HHIPL1: variants seen among roughly 807,000 people sequenced by gnomAD.
The protein encoded by HHIPL1 is HHIP like 1.
Under a neutral mutation model 61.8 loss-of-function variants are expected in HHIPL1, and 43 were observed. The observed-to-expected ratio is 0.70, with a 90% CI of 0.55 to 0.90. The LOEUF (loss-of-function observed/expected upper bound fraction) is 0.90. HHIPL1 is among the 40% of genes least tolerant of loss of function. HHIPL1 has a pLI of 0.00. For missense variants in HHIPL1, 1,056 were observed against 1,157.7 expected (o/e 0.91, Z 1.28); for synonymous variants, 482 against 515.8 (o/e 0.93, Z 0.89).
Position 99,668,969 on chromosome 14 carries a change from G to GGTGGGGCCCAGGGCCAA in HHIPL1, c.1730+667_1730+668insTGGGGCCCAGGGCCAAG. 3 of 1,586,276 alleles carry GGTGGGGCCCAGGGCCAA rather than the reference G, an allele frequency of 1.9e-6. No individual in the cohort carries two copies. In the South Asian group the frequency reaches 3.4e-5, roughly 18 times the overall value. On this transcript the variant is annotated intron_variant, in intron 7 of 8. Transcript: ENST00000330710. This position sits in a 1 kb window ranked among gnomAD's most constrained non-coding sequence, Gnocchi z 4.7. Reference sequence around the variant, plus strand: ...GTCATGGGCCTGGGGCCCAGGGCCAGGGTGGGGCCCAGGCCACTGGCTCCA... The same window carrying GGTGGGGCCCAGGGCCAA: ...GTCATGGGCCTGGGGCCCAGGGCCAGGTGGGGCCCAGGGCCAAGGTGGGGCCCAGGCCACTGGCTCCA...
rs201585114 is a variant in HHIPL1 at position 99,668,180 on chromosome 14, T to A, written c.1649-42T>A. ...TGAGGCGGGGCTGGCTGGGACGGTA[T>A]TCCAGGTGGGGGTCTCACTAGTCAC... On this transcript the variant is annotated intron_variant, in intron 6 of 8. Coordinates refer to ENST00000330710, the MANE Select transcript of HHIPL1 (RefSeq NM_001127258.3). This position sits in a 1 kb window ranked among gnomAD's most constrained non-coding sequence, Gnocchi z 4.7. 1.6e-6 allele frequency: 2 copies of A among 1,249,434 alleles called. No homozygotes were observed. The highest frequency in any genetic ancestry group is 4.6e-5 in the East Asian group (2 of 43,158). The allele number at this position is 1,249,434 out of a possible 1,614,324, so 77.4% of individuals were successfully genotyped here. A position where few individuals can be genotyped will look rare whatever the true frequency, so the allele number is the denominator to read the frequency against.
chr14:99,606,305 G>A, the HHIPL1 span, among the ~76,000 whole-genome samples: 1 of 152,206 alleles, frequency 6.6e-6, no homozygotes, highest in Non-Finnish European at 1.5e-5. Flanking sequence ...TGGGTTTAGA[G>A]AGGGAGGGGC....
chr14:99,639,426 C>A, the HHIPL1 span, among the ~76,000 whole-genome samples: 27,643 of 152,046 alleles, frequency 0.18, 3,191 homozygotes, highest in Non-Finnish European at 0.26. Context: ...CTCACTGCAG[C>A]GTCGACCTCC....
In HHIPL1 at chr14:99,667,075, C is replaced by T. The variant is rs1420142080; in HGVS notation, c.1649-1147C>T. On this transcript the variant is annotated intron_variant, in intron 6 of 8. Coordinates refer to ENST00000330710, the MANE Select transcript of HHIPL1 (RefSeq NM_001127258.3). ...ACCAAGCTGTCTGTCTCAGCCTCTCCGTGGGGAAACCCCCCTCCCTGCCCC... is the reference window on the plus strand; with the variant it reads ...ACCAAGCTGTCTGTCTCAGCCTCTCTGTGGGGAAACCCCCCTCCCTGCCCC... Among the ~76,000 whole-genome samples the T allele has an allele frequency of 3.9e-5, 6 of 152,370 alleles. 1 individual carries two copies. Among genetic ancestry groups the T allele is most frequent in the Admixed American group, 3.9e-4 (6 of 15,310 alleles).
the HHIPL1 span, among the ~76,000 whole-genome samples, chr14:99,612,890 C>T: frequency 6.6e-6 from 1 of 152,202 alleles, no homozygotes; most frequent in African/African-American, 2.4e-5. Flanking sequence ...CTGAGGTCTA[C>T]AACCTCACAA....
intron 8 of HHIPL1, among the ~76,000 whole-genome samples, chr14:99,674,559 T>A (rs867361788): frequency 3.3e-5 from 5 of 152,116 alleles, no homozygotes; most frequent in Admixed American, 6.5e-5. Context: ...GATCCCTGTG[T>A]GTATCCCGTT....
Position 99,652,612 on chromosome 14 carries a change from TGG to T in HHIPL1, c.647_648del (p.Gly216AlafsTer31). The T allele has an allele frequency of 6.8e-6, 11 of 1,613,366 alleles. No homozygotes were observed. The highest frequency in any genetic ancestry group is 9.3e-6 in the Non-Finnish European group (11 of 1,179,796). On this transcript the variant is annotated frameshift_variant, in exon 2 of 9. Transcript: ENST00000330710. LOFTEE classifies it high-confidence loss of function. Reference sequence around the variant, plus strand: ...CACCGCTTCTTCGTGGCCGAGCAGGTGGGGCTGGTGTGGGCCTACCTGCCCGA... The same window carrying T: ...CACCGCTTCTTCGTGGCCGAGCAGGTGGCTGGTGTGGGCCTACCTGCCCGA...
At chr14:99,650,130 T>C (rs1037770985) in intron 1 of HHIPL1, among the ~76,000 whole-genome samples, 17 of 152,224 alleles carry the variant, frequency 1.1e-4, no homozygotes, top group Non-Finnish European at 1.9e-4. Flanking sequence ...GAGGACATGC[T>C]GTGGTATGAC....
chr14:99,611,741 G>GT, the HHIPL1 span, among the ~76,000 whole-genome samples: 86 of 147,424 alleles, frequency 5.8e-4, no homozygotes, highest in African/African-American at 1.7e-3. Flanking sequence ...TTTTTGGGTT[G>GT]TTTTTTTTTT....
At position 99,675,534 on chromosome 14, in the gene HHIPL1, C is replaced by A. The variant is rs754614733; in HGVS notation, c.2257C>A (p.Leu753Met). ...VRCAGWERNL[L>M]ECQHNGVGTH... ...CTGCGCGGGCTGGGAGCGGAACCTG[C>A]TGGAGTGCCAGCACAACGGCGTGGG... Residue 753 changes from leucine to methionine, a missense_variant, in exon 9 of 9, where the codon CTG becomes ATG. Transcript: ENST00000330710. The surrounding 1 kb of genome is among the most constrained non-coding windows in gnomAD (Gnocchi z 5.4). The A allele has an allele frequency of 9.7e-6, 15 of 1,541,280 alleles. No homozygotes were observed. The highest frequency in any genetic ancestry group is 1.0e-5 in the Non-Finnish European group (12 of 1,146,324).
chr14:99,656,157 C>G (rs564879066), intron 2 of HHIPL1, among the ~76,000 whole-genome samples: 16 of 152,298 alleles, frequency 1.1e-4, no homozygotes, highest in African/African-American at 3.8e-4. Context: ...AAGATGAGCT[C>G]AACATAAGTA....
intron 1 of HHIPL1, among the ~76,000 whole-genome samples, chr14:99,652,014 A>T (rs1371540422): frequency 6.6e-6 from 1 of 152,138 alleles, no homozygotes; most frequent in Non-Finnish European, 1.5e-5. Context: ...TATTAATAGG[A>T]GTAGTAATAG....
chr14:99,615,587 A>G, the HHIPL1 span, among the ~76,000 whole-genome samples: 709 of 150,910 alleles, frequency 4.7e-3, 6 homozygotes, highest in Non-Finnish European at 5.7e-3. Context: ...AGAAAAGAAG[A>G]AAGAAAGAGA....
chr14:99,619,109 C>T, the HHIPL1 span, among the ~76,000 whole-genome samples: 1 of 152,068 alleles, frequency 6.6e-6, no homozygotes, highest in Non-Finnish European at 1.5e-5. Flanking sequence ...CTCCCGACAC[C>T]CCGTGTACTG....
the HHIPL1 span, among the ~76,000 whole-genome samples, chr14:99,631,080 CTT>C: frequency 1.4e-5 from 2 of 147,776 alleles, no homozygotes; most frequent in African/African-American, 5.1e-5. Flanking sequence ...TTCTTTCTTT[CTT>C]TCTTTCTTTC....
chr14:99,662,701 A>T (rs900316637), intron 5 of HHIPL1, among the ~76,000 whole-genome samples, 175 bp from the exon 6 acceptor site: 1 of 152,190 alleles, frequency 6.6e-6, no homozygotes, highest in Non-Finnish European at 1.5e-5. Flanking sequence ...CGAATTGTGT[A>T]TGGTCCTTGC....
chr14:99,657,643 C>A (rs12896118), intron 3 of HHIPL1, among the ~76,000 whole-genome samples: 2 of 152,120 alleles, frequency 1.3e-5, no homozygotes, highest in Admixed American at 6.5e-5. Context: ...TTACCCACTT[C>A]CTGGCTTGAG....
chr14:99,628,572 ACTCCAACT>A, the HHIPL1 span, among the ~76,000 whole-genome samples: 1 of 144,160 alleles, frequency 6.9e-6, no homozygotes. Flanking sequence ...CAAGAGTGAA[ACTCCAACT>A]CAAAAAAAAA....
chr14:99,664,863 G>A (rs2056216263), intron 6 of HHIPL1, among the ~76,000 whole-genome samples: 1 of 151,842 alleles, frequency 6.6e-6, no homozygotes, highest in African/African-American at 2.4e-5. Context: ...TGACACAGGA[G>A]CCCTTGGAAT....
Sources: gnomAD v4.1 joint callset for allele counts (sites outside exome capture counted in the v4.1 genomes callset) on GRCh38, gnomAD v4.1.1 for gene constraint, Gnocchi (gnomAD v3.1) non-coding constraint, MANE v1.5 for transcripts, NCBI Gene and HGNC (gene_info 2026-07-23, HGNC 2026-07-21) for gene names.